The following ZBTB17 variants were observed in gnomAD, a reference collection of about 807,000 sequenced individuals.
ZBTB17 encodes zinc finger and BTB domain-containing protein 17.
A neutral mutation model predicts 85.1 loss-of-function variants in ZBTB17; 24 were observed. That is an observed-to-expected ratio of 0.28 (90% CI 0.20 to 0.40). The LOEUF is 0.40. Ranked by LOEUF, ZBTB17 falls within the 10% of genes least tolerant of loss-of-function variation. The pLI is 1.00. For synonymous variants in ZBTB17, 464 were observed against 460.2 expected, an observed-to-expected ratio of 1.01 and a Z score of -0.11; for missense variants, 743 against 1,105.1, an observed-to-expected ratio of 0.67 and a Z score of 4.65.
At chr1:15,971,560 ACACACACAC>A (rs1557800234) in intron 2 of ZBTB17, among the ~76,000 whole-genome samples, 25 of 146,498 alleles carry the variant, frequency 1.7e-4, no homozygotes, top group Non-Finnish European at 3.4e-4. Context: ...CTATATATAT[ACACACACAC>A]TATATATATA....
At chr1:15,971,550 C>CTA (rs759952736) in intron 2 of ZBTB17, among the ~76,000 whole-genome samples, 1,247 of 73,816 alleles carry the variant, frequency 0.017, 28 homozygotes, top group Non-Finnish European at 0.027. Flanking sequence ...TACACACACA[C>CTA]TATATATATA....
At position 15,966,518 on chromosome 1, in the gene ZBTB17, C is replaced by T. The variant is rs1220677546; in HGVS notation, c.-3+6521G>A. Among the ~76,000 whole-genome samples, 1 of 152,186 alleles carries T rather than the reference C, an allele frequency of 6.6e-6. No individual in the cohort carries two copies. The highest frequency in any genetic ancestry group is 1.5e-5 in the Non-Finnish European group (1 of 68,034). On this transcript the variant is annotated intron_variant, in intron 2 of 15. Coordinates refer to ENST00000375743, the MANE Select transcript of ZBTB17 (RefSeq NM_003443.3). This position sits in a 1 kb window ranked among gnomAD's most constrained non-coding sequence, Gnocchi z 4.1. ...ATGAGTGAACAACTCTCAGTTCTAA[C>T]CATGCCCTTTGCTTCCTTCCTTTGA...
chr1:15,944,572 A>T lies in ZBTB17; in HGVS notation c.1099T>A (p.Cys367Ser). The change falls in exon 9 of 16, where the codon TGC becomes AGC. Residue 367 changes from cysteine (C) to serine (S), a missense_variant. Transcript: ENST00000375743. ...CTGATGAGGCGGTAGCTCTTCCCGCACTCCTCGCAGCCGTAGGGCTTCAGA... is the reference window on the plus strand; with the variant it reads ...CTGATGAGGCGGTAGCTCTTCCCGCTCTCCTCGCAGCCGTAGGGCTTCAGA... ...SPLKPYGCEE[C>S]GKSYRLISLL... 1 of 1,598,192 alleles carries T rather than the reference A, an allele frequency of 6.3e-7. No individual in the cohort carries two copies. The highest frequency in any genetic ancestry group is 8.5e-7 in the Non-Finnish European group (1 of 1,178,928).
At position 15,951,484 on chromosome 1, in the gene ZBTB17, G is replaced by C. The variant is rs1484602056; in HGVS notation, c.-2-2987C>G. 6.6e-6 allele frequency among the ~76,000 whole-genome samples: 1 copy of C among 152,170 alleles called. No individual in the cohort carries two copies. Among genetic ancestry groups the C allele is most frequent in the Non-Finnish European group, 1.5e-5 (1 of 68,014 alleles). On this transcript the variant is annotated intron_variant, in intron 2 of 15. Transcript: ENST00000375743. This position sits in a 1 kb window ranked among gnomAD's most constrained non-coding sequence, Gnocchi z 4.1. The stretch of plus-strand genomic sequence containing the variant: ...GCTAAATGGTGTTACCCGCAGAACT[G>C]TGTCACTGTGGACTTTACAACCGAA...
At chr1:15,948,000 C>T (rs749910115) in intron 3 of ZBTB17, among the ~76,000 whole-genome samples, 1 of 152,070 alleles carries the variant, frequency 6.6e-6, no homozygotes, top group African/African-American at 2.4e-5. Context: ...GGGCATAGAG[C>T]CTGCCTACTC....
intron 2 of ZBTB17, among the ~76,000 whole-genome samples, chr1:15,972,814 A>G (rs1210173197): frequency 1.3e-5 from 2 of 152,206 alleles, no homozygotes; most frequent in African/African-American, 2.4e-5. Flanking sequence ...ACCTAACTAA[A>G]GGCGTGAGCA....
chr1:15,969,223 C>A (rs929695568), intron 2 of ZBTB17, among the ~76,000 whole-genome samples: 1 of 152,210 alleles, frequency 6.6e-6, no homozygotes, highest in Admixed American at 6.5e-5. Context: ...CTTCCATCAA[C>A]CCCAGATGGG....
rs764708383 is a variant in ZBTB17, at chr1:15,944,339, C to CT, written c.1331dup (p.Glu445GlyfsTer27). On this transcript the variant is annotated frameshift_variant, in exon 9 of 16. Coordinates refer to ENST00000375743, the MANE Select transcript of ZBTB17 (RefSeq NM_003443.3). LOFTEE classifies it high-confidence loss of function. ...TGTCGCAGTGTGGGCACTTGTGCTC[C>CT]TTGTCCGTGTCGTGGGTCTCCAGGT... 6.4e-7 allele frequency: 1 copy of CT among 1,556,284 alleles called. No homozygotes were observed. The highest frequency in any genetic ancestry group is 1.2e-5 in the South Asian group (1 of 84,352).
chr1:15,943,748 G>C (rs1420399100), intron 10 of ZBTB17, 33 bp from the exon 11 acceptor site: 1 of 1,612,806 alleles, frequency 6.2e-7, no homozygotes, highest in Non-Finnish European at 8.5e-7. Flanking sequence ...CCTGGCGTGG[G>C]GCACCACCGG....
At position 15,941,981 on chromosome 1, in the gene ZBTB17, C is replaced by T. The variant is rs376797956; in HGVS notation, c.2400G>A (p.Pro800=). ...AAGGGCCGCCAGCTCACTCGGCAGGCGGGGGACATTCAGGAGCTGTAGGGG... is the reference window on the plus strand; with the variant it reads ...AAGGGCCGCCAGCTCACTCGGCAGGTGGGGGACATTCAGGAGCTGTAGGGG... ...ETSPTAPECP[P]PAE The change falls in exon 16 of 16, where the codon CCG becomes CCA. Residue 800 remains proline, a synonymous_variant. Transcript: ENST00000375743. The T allele has an allele frequency of 2.4e-5, 39 of 1,596,492 alleles. No individual in the cohort carries two copies. Among genetic ancestry groups the T allele is most frequent in the South Asian group, 1.9e-4 (17 of 90,798 alleles).
At chr1:15,967,918 C>T (rs2072501796) in intron 2 of ZBTB17, among the ~76,000 whole-genome samples, 4 of 152,210 alleles carry the variant, frequency 2.6e-5, no homozygotes, top group Admixed American at 2.6e-4. Context: ...TTCCTAACTG[C>T]TACCCTATAC....
chr1:15,963,458 G>A (rs943060016), intron 2 of ZBTB17, among the ~76,000 whole-genome samples: 6 of 152,176 alleles, frequency 3.9e-5, no homozygotes, highest in Non-Finnish European at 7.3e-5. Context: ...TTTGAAACCA[G>A]GTTTCAAGAA....
At chr1:15,945,887 G>A (rs776764046) in intron 5 of ZBTB17, 47 bp from the exon 6 acceptor site, 1 of 1,569,000 alleles carries the variant, frequency 6.4e-7, no homozygotes, top group Non-Finnish European at 8.6e-7. Flanking sequence ...CTCTGCCCAG[G>A]GGTCGGATAC....
At chr1:15,970,241 G>C (rs1039910029) in intron 2 of ZBTB17, 40 of 436,862 alleles carry the variant, frequency 9.2e-5, no homozygotes, top group Admixed American at 1.6e-4. Flanking sequence ...TATTTTTGAA[G>C]GGTGAGGAGG....
rs564916204 is a variant in ZBTB17, at chr1:15,974,860, G to C, written c.-90+1123C>G. Among the ~76,000 whole-genome samples, 18 of 152,352 alleles carry C rather than the reference G, an allele frequency of 1.2e-4. No homozygotes were observed. The East Asian group carries it at 2.9e-3, about 24-fold the overall frequency. Reference sequence around the variant, plus strand: ...CAAAGTGCTGAGATTACAAGCGTGAGACAACGAGCCCGGCCCAGTCTGCTT... The same window carrying C: ...CAAAGTGCTGAGATTACAAGCGTGACACAACGAGCCCGGCCCAGTCTGCTT... On this transcript the variant is annotated intron_variant, in intron 1 of 15. Transcript: ENST00000375743.
intron 2 of ZBTB17, among the ~76,000 whole-genome samples, chr1:15,969,217 C>T (rs1487564116): frequency 6.6e-6 from 1 of 152,212 alleles, no homozygotes; most frequent in Non-Finnish European, 1.5e-5. Flanking sequence ...CACTGTCTTC[C>T]ATCAACCCCA....
Position 15,945,860 on chromosome 1 carries a change from G to A in ZBTB17, c.536-20C>T. 6.3e-7 allele frequency: 1 copy of A among 1,583,848 alleles called. No homozygotes were observed. On this transcript the variant is annotated intron_variant, in intron 5 of 15. Coordinates refer to ENST00000375743, the MANE Select transcript of ZBTB17 (RefSeq NM_003443.3). Reference sequence around the variant, plus strand: ...CTGCACCTGGGTGGGGGAAGCACCGGAGGCTGGATTGCTACCCTCTGCCCA... The same window carrying A: ...CTGCACCTGGGTGGGGGAAGCACCGAAGGCTGGATTGCTACCCTCTGCCCA...
chr1:15,944,072 AC>A, intron 9 of ZBTB17, 177 bp from the exon 10 acceptor site: 2 of 961,776 alleles, frequency 2.1e-6, no homozygotes. Flanking sequence ...AAGCCGCCCC[AC>A]CCCATTTTTT....
rs1482889298 is a variant in ZBTB17, at chr1:15,945,821, T to G, written c.555A>C (p.Lys185Asn). The change falls in exon 6 of 16, where the codon AAA becomes AAC. Residue 185 changes from lysine (K) to asparagine (N), a missense_variant. Transcript: ENST00000375743. Reference sequence around the variant, plus strand: ...GCGGCGGCTCCCGGGGCGCATCGGCTTTCTCTGTCTGCTCTGCACCTGGGT... The same window carrying G: ...GCGGCGGCTCCCGGGGCGCATCGGCGTTCTCTGTCTGCTCTGCACCTGGGT... ...SAASGAEQTEKADAPREPPPV... is the reference protein window; with the variant it reads ...SAASGAEQTENADAPREPPPV... 6.2e-7 allele frequency: 1 copy of G among 1,600,188 alleles called. No individual in the cohort carries two copies. The highest frequency in any genetic ancestry group is 8.5e-7 in the Non-Finnish European group (1 of 1,177,764).
Sources: gnomAD v4.1 joint callset for allele counts (sites outside exome capture counted in the v4.1 genomes callset) on GRCh38, gnomAD v4.1.1 for gene constraint, Gnocchi (gnomAD v3.1) non-coding constraint, MANE v1.5 for transcripts, NCBI Gene and HGNC (gene_info 2026-07-23, HGNC 2026-07-21) for gene names.